The following UBE2QL1 variants were observed in gnomAD, a reference collection of about 807,000 sequenced individuals.
The protein encoded by UBE2QL1 is ubiquitin-conjugating enzyme E2Q-like protein 1.
UBE2QL1 carries 5 observed loss-of-function variants against 12.6 expected under a neutral mutation model. The ratio of observed to expected loss-of-function variants is 0.40; its 90% CI spans 0.21 to 0.83. UBE2QL1 has a LOEUF of 0.83. Among genes scored for constraint, UBE2QL1 ranks in the 40% least tolerant of loss-of-function variants. The pLI is 0.37. For synonymous variants in UBE2QL1, 96 were observed against 94.5 expected, an observed-to-expected ratio of 1.02 and a Z score of -0.10; for missense variants, 99 against 222.6, an observed-to-expected ratio of 0.44 and a Z score of 3.53.
chr5:6,449,095 T>C lies in UBE2QL1; in HGVS notation c.202T>C (p.Phe68Leu). Residue 68 changes from phenylalanine (F) to leucine (L), a missense_variant, in exon 1 of 2, where the codon TTC becomes CTC. By Grantham distance (22) the Phe-to-Leu change is conservative. Transcript: ENST00000399816. ...CGACAACTTCCCCTTCTCGCCGCCC[T>C]TCATGCGGGTGCTCAGCCCGCGCCT... ...FPDNFPFSPP[F>L]MRVLSPRLEN... 6.5e-7 allele frequency: 1 copy of C among 1,547,728 alleles called. No homozygotes were observed. Among genetic ancestry groups the C allele is most frequent in the Non-Finnish European group, 8.7e-7 (1 of 1,145,252 alleles).
chr5:6,474,752 A>G (rs1034316895), intron 1 of UBE2QL1, among the ~76,000 whole-genome samples: 1 of 152,150 alleles, frequency 6.6e-6, no homozygotes, highest in African/African-American at 2.4e-5. Context: ...AGGGGCAGTG[A>G]GCACTTTAGT....
chr5:6,489,450 T>G (rs1246639398), intron 1 of UBE2QL1, among the ~76,000 whole-genome samples: 1 of 148,206 alleles, frequency 6.7e-6, no homozygotes, highest in Non-Finnish European at 1.5e-5. Flanking sequence ...AAAGAAAAAT[T>G]TTTTAAAAAA....
intron 1 of UBE2QL1, among the ~76,000 whole-genome samples, chr5:6,468,862 T>C (rs1419463927): frequency 6.6e-6 from 1 of 152,234 alleles, no homozygotes; most frequent in Non-Finnish European, 1.5e-5. Flanking sequence ...AACAGTTATG[T>C]TCCATCATGT....
chr5:6,463,994 CAG>C (rs1196130227), intron 1 of UBE2QL1, among the ~76,000 whole-genome samples: 2 of 145,736 alleles, frequency 1.4e-5, no homozygotes, highest in African/African-American at 2.5e-5. Flanking sequence ...TAATTTGAGA[CAG>C]AGTTTCACTC....
chr5:6,451,057 C>T (rs976799693), intron 1 of UBE2QL1, among the ~76,000 whole-genome samples: 2 of 152,190 alleles, frequency 1.3e-5, no homozygotes, highest in African/African-American at 4.8e-5. Context: ...TTCTTTGGAA[C>T]AGTCTGTTAT....
At chr5:6,468,342 G>A (rs1434295690) in intron 1 of UBE2QL1, among the ~76,000 whole-genome samples, 2 of 152,200 alleles carry the variant, frequency 1.3e-5, no homozygotes, top group African/African-American at 4.8e-5. Flanking sequence ...AGGGGCGCGG[G>A]GTGGGTGAAG....
chr5:6,464,048 C>T (rs1320452059), intron 1 of UBE2QL1, among the ~76,000 whole-genome samples: 2 of 152,154 alleles, frequency 1.3e-5, no homozygotes, highest in African/African-American at 4.8e-5. Context: ...TCTCAGCTCA[C>T]TGCATCCTCT....
chr5:6,461,591 G>T (rs971018874), intron 1 of UBE2QL1, among the ~76,000 whole-genome samples: 1 of 129,490 alleles, frequency 7.7e-6, no homozygotes, highest in Non-Finnish European at 1.5e-5. Context: ...TATCCTTTAT[G>T]TGGAAATGGA....
At chr5:6,475,011 C>T (rs1734202581) in intron 1 of UBE2QL1, among the ~76,000 whole-genome samples, 1 of 152,220 alleles carries the variant, frequency 6.6e-6, no homozygotes, top group Non-Finnish European at 1.5e-5. Flanking sequence ...GTCCTTGTGG[C>T]AGTGACTGGC....
chr5:6,452,948 G>C (rs922537145), intron 1 of UBE2QL1, among the ~76,000 whole-genome samples: 3 of 152,188 alleles, frequency 2.0e-5, no homozygotes, highest in African/African-American at 7.2e-5. Context: ...CCCCTTTTTA[G>C]TTAATTAGGC....
In UBE2QL1 at chr5:6,491,520, A is replaced by AGAGG. The variant is rs1734569828; in HGVS notation, c.*175_*178dup. 1.2e-6 allele frequency: 1 copy of AGAGG among 844,772 alleles called. No homozygotes were observed. The highest frequency in any genetic ancestry group is 1.7e-5 in the African/African-American group (1 of 58,208). 52.3% of individuals were successfully genotyped at this position (844,772 alleles called of 1,614,324 possible). On this transcript the variant is annotated 3_prime_UTR_variant, in exon 2 of 2. Transcript: ENST00000399816. ...TGAAAAGATGTGTGTACAGAGAGGA[A>AGAGG]GAGGGAGCAAATGCCGTTCGGATTA...
intron 1 of UBE2QL1, among the ~76,000 whole-genome samples, chr5:6,459,835 T>C (rs1313282781): frequency 2.0e-5 from 3 of 152,204 alleles, no homozygotes; most frequent in Non-Finnish European, 4.4e-5. Flanking sequence ...CTAATACTGC[T>C]GTGGTTTCTT....
rs1294526602 is a variant in UBE2QL1 at position 6,496,061 on chromosome 5, A to G, written c.*4712A>G. Among the ~76,000 whole-genome samples the G allele has an allele frequency of 1.3e-5, 2 of 152,164 alleles. No individual in the cohort carries two copies. The highest frequency in any genetic ancestry group is 2.9e-5 in the Non-Finnish European group (2 of 68,030). On this transcript the variant is annotated 3_prime_UTR_variant, in exon 2 of 2. Transcript: ENST00000399816. ...GCAGAGGGGAGCAAGATTTTCTTTC[A>G]AGGTCATGATAAGGCTAGACAAATA...
At chr5:6,463,598 GTTATTATTATTATTATTA>G (rs149126743) in intron 1 of UBE2QL1, among the ~76,000 whole-genome samples, 3 of 137,308 alleles carry the variant, frequency 2.2e-5, no homozygotes, top group African/African-American at 5.4e-5. Context: ...TATTTGTGCT[GTTATTATTATTATTATTA>G]TTATTATTAT....
chr5:6,490,075 T>G (rs1408894286), intron 1 of UBE2QL1, among the ~76,000 whole-genome samples: 1 of 152,200 alleles, frequency 6.6e-6, no homozygotes, highest in Non-Finnish European at 1.5e-5. Flanking sequence ...CTGCAAAACA[T>G]GTACATGGGA....
intron 1 of UBE2QL1, among the ~76,000 whole-genome samples, chr5:6,469,852 G>C (rs373133376): frequency 6.6e-6 from 1 of 152,038 alleles, no homozygotes; most frequent in Non-Finnish European, 1.5e-5. Context: ...CCCTCATGAC[G>C]ATAACAATTT....
In UBE2QL1 at chr5:6,491,741, T is replaced by C. The variant is rs142098253; in HGVS notation, c.*392T>C. 8.5e-3 allele frequency: 1,345 copies of C among 158,464 alleles called. 14 individuals are homozygous for C. Among genetic ancestry groups the C allele is most frequent in the Middle Eastern group, 0.016 (5 of 322 alleles). 9.8% of individuals were successfully genotyped at this position (158,464 alleles called of 1,614,324 possible). ...CTCCATTTCCATGTAAATGGCGCCG[T>C]TCATATTTCACAGGGACGCCGTGCA... On this transcript the variant is annotated 3_prime_UTR_variant, in exon 2 of 2. Transcript: ENST00000399816.
intron 1 of UBE2QL1, among the ~76,000 whole-genome samples, chr5:6,484,544 G>C (rs888405490): frequency 6.6e-6 from 1 of 152,148 alleles, no homozygotes; most frequent in African/African-American, 2.4e-5. Context: ...AGGTTGCCCA[G>C]GTCAACATTT....
intron 1 of UBE2QL1, among the ~76,000 whole-genome samples, chr5:6,472,089 C>G (rs553424972): frequency 6.6e-6 from 1 of 152,296 alleles, no homozygotes; most frequent in South Asian, 2.1e-4. Flanking sequence ...CAGTGCTGTC[C>G]TCTGTGCCTT....
Sources: gnomAD v4.1 joint callset for allele counts (sites outside exome capture counted in the v4.1 genomes callset) on GRCh38, gnomAD v4.1.1 for gene constraint, MANE v1.5 for transcripts, NCBI Gene and HGNC (gene_info 2026-07-23, HGNC 2026-07-21) for gene names.